SORBS2: variants seen among roughly 807,000 people sequenced by gnomAD.
SORBS2 encodes sorbin and SH3 domain-containing protein 2.
SORBS2 carries 46 observed loss-of-function variants against 97.7 expected under a neutral mutation model. The ratio of observed to expected loss-of-function variants is 0.47; its 90% confidence interval spans 0.37 to 0.60. SORBS2 has a LOEUF of 0.60. Ranked by LOEUF, SORBS2 falls within the 20% of genes least tolerant of loss-of-function variation. The probability of loss-of-function intolerance (pLI) is 0.00; values close to 1 mark genes in which losing one functional copy is unlikely to be tolerated. For synonymous variants in SORBS2, 476 were observed against 473.4 expected, an observed-to-expected ratio of 1.01 and a Z score of -0.07; for missense variants, 1,316 against 1,282.3, an observed-to-expected ratio of 1.03 and a Z score of -0.40.
intron 2 of SORBS2, among the ~76,000 whole-genome samples, chr4:185,752,974 G>T (rs956619217): frequency 6.6e-6 from 1 of 152,134 alleles, no homozygotes; most frequent in Non-Finnish European, 1.5e-5. Context: ...TAGAGTACTG[G>T]GGAAATTCTA....
At position 185,781,969 on chromosome 4, in the gene SORBS2, C is replaced by A. The variant is rs1478517589; in HGVS notation, c.-337-6603G>T. Among the ~76,000 whole-genome samples, 3 of 152,234 alleles carry A rather than the reference C, an allele frequency of 2.0e-5. No individual in the cohort carries two copies. The East Asian group carries it at 5.8e-4, about 29-fold the overall frequency. On this transcript the variant is annotated intron_variant, in intron 1 of 20. Coordinates refer to the SORBS2 transcript ENST00000284776. ...AATTTGTTGGAGTAATTGATCGGAGCCCCTCTCCTCCACTAGCCTATCAGC... is the reference window on the plus strand; with the variant it reads ...AATTTGTTGGAGTAATTGATCGGAGACCCTCTCCTCCACTAGCCTATCAGC...
chr4:185,715,831 A>C (rs6825881), intron 2 of SORBS2, among the ~76,000 whole-genome samples: 32,761 of 152,182 alleles, frequency 0.22, 3,593 homozygotes, highest in Middle Eastern at 0.25. Context: ...AATGCTCAAT[A>C]GATAAATAAT....
At chr4:185,732,433 G>A (rs1391195118) in intron 2 of SORBS2, among the ~76,000 whole-genome samples, 1 of 152,184 alleles carries the variant, frequency 6.6e-6, no homozygotes, top group Non-Finnish European at 1.5e-5. Context: ...GGGTTTTAGA[G>A]GTTCATGATT....
At chr4:185,720,991 C>A (rs1410671021) in intron 2 of SORBS2, among the ~76,000 whole-genome samples, 1 of 151,934 alleles carries the variant, frequency 6.6e-6, no homozygotes, top group Admixed American at 6.6e-5. Flanking sequence ...CCTCATCCAC[C>A]TGCCTCATGG....
At chr4:185,756,717 A>C (rs779649270) in intron 2 of SORBS2, among the ~76,000 whole-genome samples, 1 of 109,116 alleles carries the variant, frequency 9.2e-6, no homozygotes, top group Non-Finnish European at 1.8e-5. Context: ...CAACTGTTAA[A>C]GCTTTTTTTT....
chr4:185,805,350 T>C (rs1014864678), intron 1 of SORBS2, among the ~76,000 whole-genome samples: 2 of 152,222 alleles, frequency 1.3e-5, no homozygotes, highest in African/African-American at 2.4e-5. Flanking sequence ...ATCTGTAGAT[T>C]CAAAGAGCAC....
chr4:185,919,127 C>T lies in SORBS2; in HGVS notation c.-338+37069G>A, dbSNP rs117203982. Among the ~76,000 whole-genome samples, 100 of 152,264 alleles carry T rather than the reference C, an allele frequency of 6.6e-4. No individual in the cohort carries two copies. The East Asian group carries it at 0.012, about 18-fold the overall frequency. On this transcript the variant is annotated intron_variant, in intron 1 of 20. Transcript: ENST00000284776. ...ACTCTTTTCATGAATTTCTTTAGTG[C>T]AGTCAAGTTTCCTCTTTTATGAACC... is the stretch of plus-strand genomic sequence containing the variant.
Position 185,623,971 on chromosome 4 carries a change from G to T in SORBS2, c.1158C>A (p.Ser386Arg), listed in dbSNP as rs569241132. 1.6e-4 allele frequency: 255 copies of T among 1,614,190 alleles called. 3 individuals carry two copies. The South Asian group carries it at 2.6e-3, about 17-fold the overall frequency. The change falls in exon 7 of 15, where the codon AGC (serine) becomes AGA (arginine). Residue 386 changes from serine (S) to arginine (R), a missense_variant. Coordinates refer to ENST00000418609, the Ensembl canonical transcript of SORBS2. This position sits in a 1 kb window ranked among gnomAD's most constrained non-coding sequence, Gnocchi z 6.4. ...GCAGCAGGTCCTTGTGCTGCTGCTC[G>T]CTCTCGTACTGCAGAATCCTGGACT...
intron 1 of SORBS2, chr4:185,812,912 G>A (rs531817281): frequency 1.1e-4 from 16 of 152,006 alleles, no homozygotes; most frequent in African/African-American, 3.9e-4. Flanking sequence ...TAAAAAATCC[G>A]CACCTAATTA....
intron 1 of SORBS2, among the ~76,000 whole-genome samples, chr4:185,916,127 G>A (rs962790307): frequency 2.0e-5 from 3 of 152,174 alleles, no homozygotes; most frequent in African/African-American, 7.2e-5. Context: ...GGAAATTAGA[G>A]GGCCACTCAG....
chr4:185,751,881 T>C (rs2098802556), intron 2 of SORBS2, among the ~76,000 whole-genome samples: 1 of 152,064 alleles, frequency 6.6e-6, no homozygotes, highest in South Asian at 2.1e-4. Context: ...AAAAATATGT[T>C]ATTATCTAGG....
intron 1 of SORBS2, among the ~76,000 whole-genome samples, chr4:185,827,312 C>CCATCACCATCAT (rs2099201231): frequency 2.4e-5 from 1 of 41,120 alleles, no homozygotes; most frequent in African/African-American, 9.5e-5. Context: ...ACCATCATCA[C>CCATCACCATCAT]CATCATCACC....
chr4:185,911,177 A>T (rs2099254857), intron 1 of SORBS2, among the ~76,000 whole-genome samples: 1 of 152,168 alleles, frequency 6.6e-6, no homozygotes, highest in African/African-American at 2.4e-5. Context: ...TATAACATAA[A>T]CTTATCTCAT....
chr4:185,629,349 G>A (rs2153431050), intron 5 of SORBS2, among the ~76,000 whole-genome samples: 1 of 151,926 alleles, frequency 6.6e-6, no homozygotes, highest in South Asian at 2.1e-4. Context: ...AAAAAGGAGG[G>A]GTTCCAGAGT....
chr4:185,838,828 C>T (rs564737301), intron 1 of SORBS2, among the ~76,000 whole-genome samples: 2 of 152,184 alleles, frequency 1.3e-5, no homozygotes, highest in South Asian at 2.1e-4. Context: ...ACCACTTTGA[C>T]ATGGAACCTC....
chr4:185,677,948 A>G (rs1217003249), intron 4 of SORBS2, among the ~76,000 whole-genome samples: 14 of 151,804 alleles, frequency 9.2e-5, no homozygotes, highest in Admixed American at 9.2e-4. Context: ...TTCTCTTGGC[A>G]TATTTTATTA....
intron 1 of SORBS2, among the ~76,000 whole-genome samples, chr4:185,899,362 A>G (rs1021911569): frequency 6.6e-6 from 1 of 152,168 alleles, no homozygotes; most frequent in Non-Finnish European, 1.5e-5. Flanking sequence ...GGATTTGGAC[A>G]TATTTTTTAT....
intron 1 of SORBS2, among the ~76,000 whole-genome samples, chr4:185,837,205 A>AT (rs1360151557): frequency 1.3e-5 from 2 of 152,138 alleles, no homozygotes; most frequent in Admixed American, 1.3e-4. Flanking sequence ...GTTTATATGG[A>AT]TTTTTAAATT....
At chr4:185,654,285 C>T (rs745448514) in intron 1 of SORBS2, among the ~76,000 whole-genome samples, 93 of 152,174 alleles carry the variant, frequency 6.1e-4, no homozygotes, top group Non-Finnish European at 1.0e-3. Context: ...AAACATGTAT[C>T]TTTCAAGAAA....
Sources: gnomAD v4.1 joint callset for allele counts (sites outside exome capture counted in the v4.1 genomes callset) on GRCh38, gnomAD v4.1.1 for gene constraint, Gnocchi (gnomAD v3.1) non-coding constraint, MANE v1.5 for transcripts, NCBI Gene and HGNC (gene_info 2026-07-23, HGNC 2026-07-21) for gene names.